MAJIN: variants seen among roughly 807,000 people sequenced by gnomAD.
MAJIN encodes membrane anchored junction protein.
MAJIN carries 27 observed loss-of-function variants against 30.2 expected under a neutral mutation model. The ratio of observed to expected loss-of-function variants is 0.89; its 90% CI spans 0.66 to 1.23. The LOEUF (loss-of-function observed/expected upper bound fraction) is 1.23. Among genes scored for constraint, MAJIN ranks in the 50% most tolerant of loss-of-function variants. The pLI is 0.00. For synonymous variants in MAJIN, 78 were observed against 91.6 expected (o/e 0.85, Z 0.85); for missense variants, 253 against 260.3 (o/e 0.97, Z 0.19).
intron 3 of MAJIN, among the ~76,000 whole-genome samples, chr11:64,957,647 G>A (rs1945657224): frequency 1.3e-5 from 2 of 151,424 alleles, no homozygotes; most frequent in South Asian, 4.2e-4. Context: ...CAGGCGATCT[G>A]CCTGACTTGG....
At chr11:64,949,357 T>C (rs1319860850) in intron 6 of MAJIN, among the ~76,000 whole-genome samples, 1 of 152,014 alleles carries the variant, frequency 6.6e-6, no homozygotes, top group Admixed American at 6.6e-5. Context: ...GAGATACCTT[T>C]AAGATAGCTC....
chr11:64,954,966 G>C (rs1945609606), intron 3 of MAJIN, among the ~76,000 whole-genome samples, 164 bp from the exon 4 acceptor site: 1 of 152,204 alleles, frequency 6.6e-6, no homozygotes, highest in South Asian at 2.1e-4. Context: ...TGATCACCTA[G>C]GTGGCGTGGT....
intron 1 of MAJIN, among the ~76,000 whole-genome samples, chr11:64,961,791 C>CTT (rs796661807): frequency 9.4e-4 from 124 of 132,108 alleles, no homozygotes; most frequent in African/African-American, 3.1e-3. Flanking sequence ...TTTTTCTTTT[C>CTT]TTTTTTTTTT....
intron 3 of MAJIN, among the ~76,000 whole-genome samples, chr11:64,955,014 G>T (rs1483805000): frequency 1.8e-4 from 28 of 152,246 alleles, no homozygotes; most frequent in Admixed American, 1.8e-3. Context: ...AACCTGCCAA[G>T]ACCTGAAATT....
At chr11:64,962,774 A>G (rs1199771380) in intron 1 of MAJIN, among the ~76,000 whole-genome samples, 1 of 152,172 alleles carries the variant, frequency 6.6e-6, no homozygotes, top group Admixed American at 6.6e-5. Context: ...CCAGAGTATT[A>G]TATAAACGTT....
chr11:64,945,344 C>T (rs772183827), intron 8 of MAJIN, among the ~76,000 whole-genome samples: 21 of 151,550 alleles, frequency 1.4e-4, no homozygotes, highest in Middle Eastern at 3.2e-3. Flanking sequence ...GGCGACAGAG[C>T]GAGACTGTGT....
At chr11:64,969,455 T>TAAA (rs879450150) in intron 1 of MAJIN, among the ~76,000 whole-genome samples, 1 of 60,578 alleles carries the variant, frequency 1.7e-5, no homozygotes, top group African/African-American at 6.4e-5. Context: ...AAGGGTATAA[T>TAAA]AAAAAAAAAA....
intron 3 of MAJIN, among the ~76,000 whole-genome samples, chr11:64,957,575 T>G (rs1418273823): frequency 6.6e-6 from 1 of 151,980 alleles, no homozygotes; most frequent in Non-Finnish European, 1.5e-5. Flanking sequence ...AGCTAATTTT[T>G]TTATTTTTAG....
At chr11:64,950,023 A>T (rs931681049) in intron 5 of MAJIN, among the ~76,000 whole-genome samples, 155 bp from the exon 6 acceptor site, 2 of 152,170 alleles carry the variant, frequency 1.3e-5, no homozygotes, top group African/African-American at 2.4e-5. Flanking sequence ...GCTGTAGCTC[A>T]TTTCCAGCCA....
intron 8 of MAJIN, among the ~76,000 whole-genome samples, chr11:64,943,173 A>G (rs1945403675): frequency 6.6e-6 from 1 of 152,226 alleles, no homozygotes; most frequent in South Asian, 2.1e-4. Flanking sequence ...AGATCTGTTT[A>G]CAAGTGCAGT....
chr11:64,948,017 A>G (rs970182804), intron 6 of MAJIN, among the ~76,000 whole-genome samples, 198 bp from the exon 7 acceptor site: 14 of 150,144 alleles, frequency 9.3e-5, no homozygotes, highest in African/African-American at 3.4e-4. Context: ...ATGCCACCAC[A>G]CCTGGCTAAT....
intron 8 of MAJIN, chr11:64,946,043 G>T: frequency 6.7e-7 from 1 of 1,485,690 alleles, no homozygotes; most frequent in Non-Finnish European, 9.0e-7. Flanking sequence ...ATAGCTAATA[G>T]CCTTGAAGGC....
chr11:64,966,795 A>T (rs1945817107), intron 1 of MAJIN, among the ~76,000 whole-genome samples: 1 of 151,822 alleles, frequency 6.6e-6, no homozygotes, highest in African/African-American at 2.4e-5. Context: ...CTAGCTGGGC[A>T]TGGTGGCAGG....
chr11:64,940,838 T>TTC (rs1554970174), intron 8 of MAJIN, among the ~76,000 whole-genome samples, 192 bp from the exon 9 acceptor site: 8 of 127,524 alleles, frequency 6.3e-5, no homozygotes, highest in Admixed American at 4.7e-4. Context: ...TTTCTTTCTT[T>TTC]TTTTTTTTTT....
chr11:64,965,995 C>T (rs934451829), intron 1 of MAJIN, among the ~76,000 whole-genome samples: 3 of 150,936 alleles, frequency 2.0e-5, no homozygotes, highest in African/African-American at 7.3e-5. Context: ...GCTGAATTCA[C>T]TGCAGCACTC....
At chr11:64,952,865 C>T (rs1034786154) in intron 4 of MAJIN, among the ~76,000 whole-genome samples, 45 of 151,900 alleles carry the variant, frequency 3.0e-4, no homozygotes, top group African/African-American at 9.7e-4. Context: ...CCACCACACC[C>T]AGCTAATTTT....
intron 1 of MAJIN, among the ~76,000 whole-genome samples, chr11:64,969,713 C>T (rs1390178421): frequency 6.7e-6 from 1 of 150,290 alleles, no homozygotes; most frequent in Non-Finnish European, 1.5e-5. Flanking sequence ...TTTTTTGAGA[C>T]GGAGTCTTAC....
chr11:64,965,459 G>A (rs1945791058), intron 1 of MAJIN, among the ~76,000 whole-genome samples: 1 of 151,936 alleles, frequency 6.6e-6, no homozygotes, highest in African/African-American at 2.4e-5. Flanking sequence ...GTTACTCTTT[G>A]CACTTAAGTT....
intron 8 of MAJIN, among the ~76,000 whole-genome samples, chr11:64,943,209 C>T (rs1490753892): frequency 1.3e-5 from 2 of 152,156 alleles, no homozygotes; most frequent in Non-Finnish European, 2.9e-5. Context: ...AAAACAACAA[C>T]AACAACAAAA....
Sources: gnomAD v4.1 joint callset for allele counts (sites outside exome capture counted in the v4.1 genomes callset) on GRCh38, gnomAD v4.1.1 for gene constraint, MANE v1.5 for transcripts, NCBI Gene and HGNC (gene_info 2026-07-23, HGNC 2026-07-21) for gene names.